Variants in RAB44 observed in about 807,000 individuals in gnomAD.
The protein encoded by RAB44 is RAB44, member RAS oncogene family.
Under a neutral mutation model 93.3 loss-of-function variants are expected in RAB44, and 67 were observed. That is an observed-to-expected ratio of 0.72 (90% CI 0.59 to 0.88). The LOEUF (loss-of-function observed/expected upper bound fraction) is 0.88, where lower values mean the gene tolerates loss of function less well. RAB44 is among the 40% of genes least tolerant of loss of function. RAB44 has a pLI of 0.00. For missense variants in RAB44, 1,064 were observed against 1,261.7 expected, an observed-to-expected ratio of 0.84 and a Z score of 2.37; for synonymous variants, 427 against 520.3, an observed-to-expected ratio of 0.82 and a Z score of 2.44.
chr6:36,721,162 C>G lies in RAB44; in HGVS notation c.1028C>G (p.Ala343Gly), dbSNP rs1200373162. 1 of 1,207,054 alleles carries G rather than the reference C, an allele frequency of 8.3e-7. No homozygotes were observed. Among genetic ancestry groups the G allele is most frequent in the African/African-American group, 1.9e-5 (1 of 53,622 alleles). 74.8% of individuals were successfully genotyped at this position (1,207,054 alleles called of 1,614,324 possible). A position where few individuals can be genotyped will look rare whatever the true frequency, so the allele number is the denominator to read the frequency against. ...TGCTTCATTTCCAGTTTTCCTGGAGCGGGTGAGAAGACCCCAGACCCTCAG... is the reference window on the plus strand; with the variant it reads ...TGCTTCATTTCCAGTTTTCCTGGAGGGGGTGAGAAGACCCCAGACCCTCAG... Reference protein sequence around the residue: ...QVEEKLSFPGAGEKTPDPQAA... With the variant: ...QVEEKLSFPGGGEKTPDPQAA... The change falls in exon 9 of 14, where the codon GCG (alanine) becomes GGG (glycine). Residue 343 changes from alanine (A) to glycine (G), a missense_variant. Transcript: ENST00000612677.
chr6:36,709,050 T>C (rs1762717975), intron 2 of RAB44, among the ~76,000 whole-genome samples: 2 of 152,318 alleles, frequency 1.3e-5, no homozygotes, highest in East Asian at 1.9e-4. Flanking sequence ...GTTCAAGCGA[T>C]TCCCCTGCCT....
chr6:36,698,053 T>C (rs1762423943), intron 1 of RAB44, 138 bp downstream of exon 1: 1 of 152,296 alleles, frequency 6.6e-6, no homozygotes, highest in Admixed American at 6.5e-5. Flanking sequence ...TTTGGAGCTC[T>C]CTGCATGGTC....
intron 1 of RAB44, among the ~76,000 whole-genome samples, chr6:36,698,401 G>A (rs1043534735): frequency 6.6e-6 from 1 of 152,228 alleles, no homozygotes; most frequent in Non-Finnish European, 1.5e-5. Flanking sequence ...GTAATCTGCT[G>A]CTGCCTGCTG....
At chr6:36,728,162 A>T (rs1763281764) in intron 11 of RAB44, among the ~76,000 whole-genome samples, 1 of 152,182 alleles carries the variant, frequency 6.6e-6, no homozygotes, top group African/African-American at 2.4e-5. Context: ...AAGCAGGATA[A>T]GGTAATGTGT....
chr6:36,727,635 G>A lies in RAB44; in HGVS notation c.2740G>A (p.Asp914Asn), dbSNP rs995680933. The change falls in exon 11 of 14, where the codon GAC (aspartate) becomes AAC (asparagine). Residue 914 changes from aspartate (D) to asparagine (N), a missense_variant. By Grantham distance (23) the Asp-to-Asn change is conservative (BLOSUM62 1). Transcript: ENST00000612677. ...RKADGVVLMY[D>N]ITSQESFAHV... ...GGCTGACGGGGTGGTGCTCATGTAC[G>A]ACATCACCTCCCAGGAGAGCTTTGC... 35 of 1,550,456 alleles carry A rather than the reference G, an allele frequency of 2.3e-5. No individual in the cohort carries two copies. Among genetic ancestry groups the A allele is most frequent in the Non-Finnish European group, 2.7e-5 (31 of 1,147,008 alleles).
In RAB44 at chr6:36,730,782, C is replaced by G. The variant is rs755807031; in HGVS notation, c.2975+33C>G. The G allele has an allele frequency of 4.4e-3, 4,833 of 1,104,170 alleles. 19 individuals are homozygous for G. The highest frequency in any genetic ancestry group is 5.3e-3 in the Admixed American group (122 of 22,952). 68.4% of individuals were successfully genotyped at this position (1,104,170 alleles called of 1,614,324 possible). A position where few individuals can be genotyped will look rare whatever the true frequency, so the allele number is the denominator to read the frequency against. On this transcript the variant is annotated intron_variant, in intron 13 of 13. Coordinates refer to ENST00000612677, the MANE Select transcript of RAB44 (RefSeq NM_001257357.2). ...CTGCCCGCCCCCCGCCGCCCCCACC[C>G]CCCCCCTTGCAGAATCCTCTGGGAC...
intron 11 of RAB44, among the ~76,000 whole-genome samples, chr6:36,727,952 G>A (rs1562068336): frequency 6.6e-6 from 1 of 152,200 alleles, no homozygotes; most frequent in African/African-American, 2.4e-5. Context: ...TGTTTGTAAT[G>A]TCTTCTTCTT....
intron 9 of RAB44, 139 bp downstream of exon 9, chr6:36,722,872 G>T: frequency 1.1e-6 from 1 of 940,998 alleles, no homozygotes; most frequent in African/African-American, 1.7e-5. Flanking sequence ...ATTAGACATT[G>T]TTTTATATGG....
chr6:36,721,674 GC>G lies in RAB44; in HGVS notation c.1544del (p.Pro515GlnfsTer45). ...CCCTGCGAACTCTCCCCCTCCCCAG[GC>G]CCCAGCTGGGTCCAGCAAACAGATC... ...PPPANSPPPQ[A>X]PAGSSKQIQA... On this transcript the variant is annotated frameshift_variant, in exon 9 of 14. Coordinates refer to ENST00000612677, the MANE Select transcript of RAB44 (RefSeq NM_001257357.2). LOFTEE classifies it high-confidence loss of function. 8.1e-7 allele frequency: 1 copy of G among 1,234,300 alleles called. No homozygotes were observed. 76.5% of individuals were successfully genotyped at this position (1,234,300 alleles called of 1,614,324 possible).
intron 3 of RAB44, 103 bp downstream of exon 3, chr6:36,714,042 G>C: frequency 5.5e-6 from 4 of 728,854 alleles, no homozygotes; most frequent in South Asian, 5.0e-5. Flanking sequence ...TTTTCCCAGG[G>C]ACTTTCACCC....
At position 36,717,092 on chromosome 6, in the gene RAB44, T is replaced by C. The variant is rs1762940061; in HGVS notation, c.495-181T>C. On this transcript the variant is annotated intron_variant, in intron 4 of 13. Coordinates refer to ENST00000612677, the MANE Select transcript of RAB44 (RefSeq NM_001257357.2). This position sits in a 1 kb window ranked among gnomAD's most constrained non-coding sequence, Gnocchi z 4.1. ...GGTTCGAGAAGGGAGAGGGCACATC[T>C]GGGAATGGTTCCTGGAGGAGGTGGC... Among the ~76,000 whole-genome samples, 1 of 152,154 alleles carries C rather than the reference T, an allele frequency of 6.6e-6. No individual in the cohort carries two copies. Among genetic ancestry groups the C allele is most frequent in the South Asian group, 2.1e-4 (1 of 4,822 alleles).
At chr6:36,703,274 A>G (rs1426451820) in intron 1 of RAB44, among the ~76,000 whole-genome samples, 2 of 152,092 alleles carry the variant, frequency 1.3e-5, no homozygotes, top group Admixed American at 6.5e-5. Flanking sequence ...AACAATTCCC[A>G]TCAGGCCCCA....
chr6:36,709,399 A>G (rs76522623), intron 2 of RAB44, among the ~76,000 whole-genome samples: 10,723 of 152,292 alleles, frequency 0.07, 980 homozygotes, highest in African/African-American at 0.21. Flanking sequence ...TTCTATATCC[A>G]TTCAAGTTTT....
At chr6:36,700,857 G>A (rs1762492261) in intron 1 of RAB44, among the ~76,000 whole-genome samples, 1 of 152,234 alleles carries the variant, frequency 6.6e-6, no homozygotes, top group Non-Finnish European at 1.5e-5. Context: ...AGGGTCATAG[G>A]CCCATGGAGG....
At chr6:36,725,732 G>A (rs1763221274) in intron 9 of RAB44, 130 bp from the exon 10 acceptor site, 2 of 673,114 alleles carry the variant, frequency 3.0e-6, no homozygotes, top group Non-Finnish European at 5.5e-6. Context: ...CAGAGCCGAG[G>A]GGAAGCCCGG....
intron 1 of RAB44, among the ~76,000 whole-genome samples, chr6:36,698,315 C>G (rs554868773): frequency 6.6e-5 from 10 of 152,308 alleles, no homozygotes; most frequent in African/African-American, 2.4e-4. Flanking sequence ...AAGTGGAGAG[C>G]AGACCCAGTT....
At chr6:36,728,861 G>T in intron 12 of RAB44, 60 bp downstream of exon 12, 1 of 1,380,338 alleles carries the variant, frequency 7.2e-7, no homozygotes, top group Non-Finnish European at 1.0e-6. Context: ...CTCCCTGGCA[G>T]GTGGTGGATA....
rs189568784 is a variant in RAB44, at chr6:36,711,693, C to A, written c.208-2135C>A. 1.9e-3 allele frequency among the ~76,000 whole-genome samples: 284 copies of A among 152,260 alleles called. 1 individual carries two copies. Among genetic ancestry groups the A allele is most frequent in the African/African-American group, 6.7e-3 (277 of 41,542 alleles). ...GAACTCCTTTAAGAGACATAGTACG[C>A]TAAGTTATTAATACCTTCCAGATGT... is the stretch of plus-strand genomic sequence containing the variant. On this transcript the variant is annotated intron_variant, in intron 2 of 13. Coordinates refer to ENST00000612677, the MANE Select transcript of RAB44 (RefSeq NM_001257357.2).
intron 3 of RAB44, 52 bp from the exon 4 acceptor site, chr6:36,715,427 G>T: frequency 1.3e-6 from 2 of 1,511,204 alleles, no homozygotes; most frequent in Non-Finnish European, 1.8e-6. Flanking sequence ...GGGAGGCCAG[G>T]CGTCTGGGCC....
Sources: gnomAD v4.1 joint callset for allele counts (sites outside exome capture counted in the v4.1 genomes callset) on GRCh38, gnomAD v4.1.1 for gene constraint, Gnocchi (gnomAD v3.1) non-coding constraint, MANE v1.5 for transcripts, NCBI Gene and HGNC (gene_info 2026-07-23, HGNC 2026-07-21) for gene names.